RASEF: variants seen among roughly 807,000 people sequenced by gnomAD.
RASEF encodes RAS and EF-hand domain containing, also known as ras and EF-hand domain-containing protein.
In RASEF, 68 loss-of-function variants were observed where a neutral mutation model predicts 90.1. That is an observed-to-expected ratio of 0.75 (90% CI 0.62 to 0.92). The LOEUF (loss-of-function observed/expected upper bound fraction) is 0.92, where lower values mean the gene tolerates loss of function less well. RASEF is among the 40% of genes least tolerant of loss of function. The probability of loss-of-function intolerance (pLI) is 0.00; values close to 1 mark genes in which losing one functional copy is unlikely to be tolerated. For missense variants in RASEF, 949 were observed against 937.2 expected (o/e 1.01, Z -0.16); for synonymous variants, 331 against 345.2 (o/e 0.96, Z 0.46).
At chr9:82,990,497 G>A (rs768374058) in intron 15 of RASEF, 30 bp from the exon 16 acceptor site, 1 of 1,518,014 alleles carries the variant, frequency 6.6e-7, no homozygotes, top group Non-Finnish European at 9.1e-7. Context: ...ACAATTAAAT[G>A]AAGCCCTTCA....
the RASEF span, among the ~76,000 whole-genome samples, chr9:83,169,778 T>C: frequency 3.9e-5 from 6 of 152,100 alleles, no homozygotes; most frequent in Admixed American, 6.6e-5. Context: ...CCTTTGCTCA[T>C]TTTTAATTAG....
chr9:83,206,365 G>T, the RASEF span, among the ~76,000 whole-genome samples: 1 of 152,158 alleles, frequency 6.6e-6, no homozygotes, highest in Non-Finnish European at 1.5e-5. Flanking sequence ...CTAATGCTGG[G>T]TTATTAAAAT....
At chr9:82,992,222 AT>A (rs1434009932) in intron 15 of RASEF, among the ~76,000 whole-genome samples, 2 of 152,202 alleles carry the variant, frequency 1.3e-5, no homozygotes, top group Non-Finnish European at 2.9e-5. Context: ...TGCAATATTA[AT>A]TTATTTGACC....
chr9:83,150,807 C>A, the RASEF span, among the ~76,000 whole-genome samples: 3 of 152,024 alleles, frequency 2.0e-5, no homozygotes, highest in South Asian at 6.2e-4. Context: ...TATTTTGGAT[C>A]TACTGATGAA....
At position 83,001,397 on chromosome 9, in the gene RASEF, T is replaced by C. The variant is rs114271449; in HGVS notation, c.1203-267A>G. Reference sequence around the variant, plus strand: ...AAAAATAATGTTCTTTATTTCCTGATACAAAAAGAATTAGAGTACCTAAGA... The same window carrying C: ...AAAAATAATGTTCTTTATTTCCTGACACAAAAAGAATTAGAGTACCTAAGA... On this transcript the variant is annotated intron_variant, in intron 9 of 16. Transcript: ENST00000376447. Among the ~76,000 whole-genome samples the C allele has an allele frequency of 7.2e-3, 1,098 of 152,282 alleles. 13 individuals are homozygous for C. Among genetic ancestry groups the C allele is most frequent in the African/African-American group, 0.025 (1,040 of 41,544 alleles).
At chr9:83,008,488 C>G (rs1054780960) in intron 6 of RASEF, among the ~76,000 whole-genome samples, 1 of 152,100 alleles carries the variant, frequency 6.6e-6, no homozygotes, top group Non-Finnish European at 1.5e-5. Context: ...CCTGGAACAT[C>G]TCTGAGACTC....
rs975740682 is a variant in RASEF at position 83,063,014 on chromosome 9, G to T, written c.-147C>A. 118 of 865,132 alleles carry T rather than the reference G, an allele frequency of 1.4e-4. No individual in the cohort carries two copies. In the Middle Eastern group the frequency reaches 4.1e-3, roughly 30 times the overall value. The allele number at this position is 865,132 out of a possible 1,614,324, so 53.6% of individuals were successfully genotyped here. On this transcript the variant is annotated 5_prime_UTR_variant, in exon 1 of 17. Transcript: ENST00000376447. The stretch of plus-strand genomic sequence containing the variant: ...TCGGCCACTTGAGGGAACGTCGGGC[G>T]GGGCGAGGAACGTCGGGGGTGGCCG...
the RASEF span, among the ~76,000 whole-genome samples, chr9:83,117,238 G>A: frequency 6.6e-6 from 1 of 152,168 alleles, no homozygotes; most frequent in Non-Finnish European, 1.5e-5. Flanking sequence ...ACAAAAAGTG[G>A]AAGAGAAGAT....
At chr9:83,099,149 A>AT in the RASEF span, among the ~76,000 whole-genome samples, 3 of 152,134 alleles carry the variant, frequency 2.0e-5, no homozygotes, top group Admixed American at 1.3e-4. Flanking sequence ...ATGTCTCATT[A>AT]TTATGCTGTA....
the RASEF span, among the ~76,000 whole-genome samples, chr9:83,134,577 A>G: frequency 6.6e-6 from 1 of 152,140 alleles, no homozygotes; most frequent in Non-Finnish European, 1.5e-5. Flanking sequence ...TTAAAAAATT[A>G]CTTCTTTCTA....
chr9:83,025,895 T>C lies in RASEF; in HGVS notation c.458A>G (p.Gln153Arg). ...TCTTGGCTCCACAAGGTTGATGTTT[T>C]GGTACAAGGTACTAACTTGCTCTTC... ...PREEQVSTLY[Q>R]NINLVEPRLI... The change falls in exon 2 of 17, where the codon CAA becomes CGA. Residue 153 changes from glutamine to arginine, a missense_variant. Coordinates refer to ENST00000376447, the MANE Select transcript of RASEF (RefSeq NM_152573.4). 6.2e-7 allele frequency: 1 copy of C among 1,613,334 alleles called. No homozygotes were observed. The highest frequency in any genetic ancestry group is 8.5e-7 in the Non-Finnish European group (1 of 1,179,616).
At chr9:83,027,303 A>G (rs1171210436) in intron 1 of RASEF, among the ~76,000 whole-genome samples, 2 of 152,124 alleles carry the variant, frequency 1.3e-5, no homozygotes, top group East Asian at 3.9e-4. Flanking sequence ...TGATTACCTC[A>G]ATCTTCAGCT....
At chr9:83,008,926 A>ATATATATG (rs1829186215) in intron 6 of RASEF, among the ~76,000 whole-genome samples, 1 of 129,508 alleles carries the variant, frequency 7.7e-6, no homozygotes, top group East Asian at 2.3e-4. Flanking sequence ...ATATATATAT[A>ATATATATG]TATATATATG....
chr9:83,016,746 G>A (rs1156502356), intron 3 of RASEF, among the ~76,000 whole-genome samples: 1 of 152,136 alleles, frequency 6.6e-6, no homozygotes, highest in Non-Finnish European at 1.5e-5. Context: ...GTGACAGGAA[G>A]TCAGTCTGCT....
chr9:83,040,221 T>C (rs1051268702), intron 1 of RASEF, among the ~76,000 whole-genome samples: 3 of 152,168 alleles, frequency 2.0e-5, no homozygotes, highest in Non-Finnish European at 2.9e-5. Flanking sequence ...AATGGATGAA[T>C]ACACTCCACC....
the RASEF span, among the ~76,000 whole-genome samples, chr9:83,134,445 CACACATAT>C: frequency 1.3e-5 from 2 of 151,168 alleles, no homozygotes; most frequent in African/African-American, 4.9e-5. Flanking sequence ...CACACACACA[CACACATAT>C]ATATATATCA....
At chr9:83,105,401 T>A in the RASEF span, among the ~76,000 whole-genome samples, 3 of 152,204 alleles carry the variant, frequency 2.0e-5, no homozygotes, top group Admixed American at 1.3e-4. Context: ...TCCTACTTGA[T>A]AAGATTAGTT....
chr9:83,179,904 A>G, the RASEF span, among the ~76,000 whole-genome samples: 2 of 152,168 alleles, frequency 1.3e-5, 1 homozygote, highest in South Asian at 4.1e-4. Context: ...TTACAACGAG[A>G]CAAAAAGTGT....
At chr9:83,215,955 C>A in the RASEF span, among the ~76,000 whole-genome samples, 1 of 152,144 alleles carries the variant, frequency 6.6e-6, no homozygotes, top group African/African-American at 2.4e-5. Flanking sequence ...AGATAAGGAA[C>A]TTGTTGGAAA....
Sources: gnomAD v4.1 joint callset for allele counts (sites outside exome capture counted in the v4.1 genomes callset) on GRCh38, gnomAD v4.1.1 for gene constraint, MANE v1.5 for transcripts, NCBI Gene and HGNC (gene_info 2026-07-23, HGNC 2026-07-21) for gene names.